Variants in CUBN observed in about 807,000 individuals in gnomAD.
CUBN encodes the protein cubilin, also known as 460 kDa receptor.
Under a neutral mutation model 405.3 loss-of-function variants are expected in CUBN, and 282 were observed. That is an observed-to-expected ratio of 0.70 (90% CI 0.63 to 0.77). The LOEUF (loss-of-function observed/expected upper bound fraction) is 0.77, where lower values mean the gene tolerates loss of function less well. Among genes scored for constraint, CUBN ranks in the 30% least tolerant of loss-of-function variants. The pLI, the probability that CUBN is intolerant of heterozygous loss-of-function variation, is 0.00. For synonymous variants in CUBN, 1,684 were observed against 1,617.0 expected, an observed-to-expected ratio of 1.04 and a Z score of -0.99; for missense variants, 4,514 against 4,475.2, an observed-to-expected ratio of 1.01 and a Z score of -0.25.
intron 59 of CUBN, among the ~76,000 whole-genome samples, chr10:16,869,314 C>T (rs1384237934): frequency 6.6e-6 from 1 of 151,820 alleles, no homozygotes; most frequent in African/African-American, 2.4e-5. Flanking sequence ...TACAGGCACA[C>T]ACCACCATGC....
chr10:16,984,405 C>A (rs1421136026), intron 29 of CUBN, 126 bp from the exon 30 acceptor site: 19 of 940,538 alleles, frequency 2.0e-5, no homozygotes, highest in Non-Finnish European at 2.8e-5. Context: ...ATCTCAGCCT[C>A]CCTGGGTGGG....
chr10:16,955,045 G>A (rs915054405), intron 31 of CUBN, among the ~76,000 whole-genome samples: 3 of 152,108 alleles, frequency 2.0e-5, no homozygotes, highest in African/African-American at 7.2e-5. Flanking sequence ...CAAACGATAG[G>A]GGTGATATAA....
chr10:17,085,423 G>A (rs1836083957), intron 16 of CUBN, among the ~76,000 whole-genome samples, 174 bp downstream of exon 16: 1 of 152,156 alleles, frequency 6.6e-6, no homozygotes, highest in Non-Finnish European at 1.5e-5. Flanking sequence ...ATTAATAATA[G>A]AGCATTGGGA....
chr10:17,129,127 T>A lies in CUBN; in HGVS notation c.246A>T (p.Leu82Phe). The part of the protein sequence containing the change: ...KLNDEDLSEC[L>F]HQIQKNKEDI... Reference sequence around the variant, plus strand: ...TATATTTCCAGTGTATTACCTGATGTAAACACTCACTGAGATCTTCATCAT... The same window carrying A: ...TATATTTCCAGTGTATTACCTGATGAAAACACTCACTGAGATCTTCATCAT... Residue 82 changes from leucine (L) to phenylalanine (F), a missense_variant, in exon 2 of 67, where the codon TTA (leucine) becomes TTT (phenylalanine). Around this residue, in one of 5 missense-constraint regions of CUBN, gnomAD observed 1,448 missense variants for 1,388.0 expected, o/e 1.04. Coordinates refer to ENST00000377833, the MANE Select transcript of CUBN (RefSeq NM_001081.4). 1 of 1,611,382 alleles carries A rather than the reference T, an allele frequency of 6.2e-7. No homozygotes were observed. The highest frequency in any genetic ancestry group is 8.5e-7 in the Non-Finnish European group (1 of 1,177,610).
chr10:17,086,453 G>T (rs538509352), intron 15 of CUBN, among the ~76,000 whole-genome samples: 5 of 152,122 alleles, frequency 3.3e-5, no homozygotes, highest in African/African-American at 1.2e-4. Context: ...CTTGGTCCAG[G>T]TTTTCAGAAG....
intron 44 of CUBN, 80 bp from the exon 45 acceptor site, chr10:16,918,880 G>T: frequency 8.0e-7 from 1 of 1,255,396 alleles, no homozygotes; most frequent in Non-Finnish European, 1.1e-6. Flanking sequence ...TACTTTCTTT[G>T]AAGATATTAT....
chr10:17,092,131 C>A (rs1422212895), intron 14 of CUBN, among the ~76,000 whole-genome samples: 1 of 152,110 alleles, frequency 6.6e-6, no homozygotes. Flanking sequence ...GACTGTAGCA[C>A]CAACTGGCAG....
chr10:16,986,716 C>T (rs1468468880), intron 29 of CUBN, among the ~76,000 whole-genome samples: 1 of 152,012 alleles, frequency 6.6e-6, no homozygotes, highest in Non-Finnish European at 1.5e-5. Flanking sequence ...GTGTGTAGAG[C>T]CAGCTTTCTT....
chr10:16,931,194 G>A (rs1842354385), intron 40 of CUBN, among the ~76,000 whole-genome samples: 1 of 151,760 alleles, frequency 6.6e-6, no homozygotes, highest in South Asian at 2.1e-4. Context: ...AACCCGGGAG[G>A]CAGAGTTTGC....
At chr10:17,115,275 C>T (rs991672344) in intron 7 of CUBN, among the ~76,000 whole-genome samples, 196 bp downstream of exon 7, 2 of 150,294 alleles carry the variant, frequency 1.3e-5, no homozygotes, top group African/African-American at 4.9e-5. Flanking sequence ...TCCTATTTTA[C>T]ATAATGACAT....
At chr10:17,111,268 C>T (rs1270138451) in intron 8 of CUBN, among the ~76,000 whole-genome samples, 2 of 152,190 alleles carry the variant, frequency 1.3e-5, no homozygotes, top group South Asian at 2.1e-4. Context: ...GATAGCTAGA[C>T]ATTAAATTGA....
chr10:16,883,452 C>T (rs928197108), intron 56 of CUBN, among the ~76,000 whole-genome samples: 1 of 152,154 alleles, frequency 6.6e-6, no homozygotes, highest in Non-Finnish European at 1.5e-5. Context: ...AATGCGACCA[C>T]ATTCTGAGTT....
intron 14 of CUBN, 65 bp downstream of exon 14, chr10:17,099,940 C>A (rs956965714): frequency 2.0e-6 from 2 of 995,818 alleles, no homozygotes. Context: ...AAAAGTCTAA[C>A]ACTGATTAAG....
At chr10:16,921,596 A>T (rs1411411612) in intron 43 of CUBN, among the ~76,000 whole-genome samples, 1 of 152,150 alleles carries the variant, frequency 6.6e-6, no homozygotes, top group Non-Finnish European at 1.5e-5. Context: ...GTTCTTCTTT[A>T]CATTTTTGTC....
chr10:16,934,042 A>G (rs1021842398), intron 39 of CUBN, among the ~76,000 whole-genome samples: 11 of 152,178 alleles, frequency 7.2e-5, no homozygotes, highest in African/African-American at 2.6e-4. Flanking sequence ...TGCTGAGGAG[A>G]TGCGCTGTTT....
intron 17 of CUBN, among the ~76,000 whole-genome samples, chr10:17,078,664 T>C (rs1564506404): frequency 6.6e-6 from 1 of 152,212 alleles, no homozygotes; most frequent in Non-Finnish European, 1.5e-5. Context: ...AATGAATAGA[T>C]AAATGAATGA....
At chr10:16,997,426 T>C (rs1588563988) in intron 28 of CUBN, among the ~76,000 whole-genome samples, 1 of 116,940 alleles carries the variant, frequency 8.6e-6, no homozygotes, top group Non-Finnish European at 1.7e-5. Context: ...AGAGTGAGAC[T>C]CCATCTAAAA....
At chr10:17,129,616 A>G in intron 1 of CUBN, 28 bp downstream of exon 1, 1 of 1,614,100 alleles carries the variant, frequency 6.2e-7, no homozygotes, top group Non-Finnish European at 8.5e-7. Flanking sequence ...CTAGTCCCTG[A>G]GCAGGAATGA....
chr10:16,899,772 C>T (rs1841302324), intron 53 of CUBN, among the ~76,000 whole-genome samples: 1 of 152,182 alleles, frequency 6.6e-6, no homozygotes. Context: ...GAATCTTTTG[C>T]TGTGAAACCC....
Sources: gnomAD v4.1 joint callset for allele counts (sites outside exome capture counted in the v4.1 genomes callset) on GRCh38, gnomAD v4.1.1 for gene constraint, gnomAD v4.1.1 regional missense constraint, MANE v1.5 for transcripts, NCBI Gene and HGNC (gene_info 2026-07-23, HGNC 2026-07-21) for gene names.